The following JAKMIP3 variants were observed in gnomAD, a reference collection of about 807,000 sequenced individuals.
JAKMIP3 encodes Janus kinase and microtubule interacting protein 3, also known as janus kinase and microtubule-interacting protein 3.
In JAKMIP3, 58 loss-of-function variants were observed where a neutral mutation model predicts 118.5. That is an observed-to-expected ratio of 0.49 (90% CI 0.40 to 0.61). The LOEUF (loss-of-function observed/expected upper bound fraction) is 0.61. Ranked by LOEUF, JAKMIP3 falls within the 20% of genes least tolerant of loss-of-function variation. JAKMIP3 has a pLI of 0.00. For missense variants in JAKMIP3, 950 were observed against 1,109.0 expected (o/e 0.86, Z 2.04); for synonymous variants, 486 against 451.2 (o/e 1.08, Z -0.98).
At chr10:132,109,673 C>T (rs2046548560) in intron 2 of JAKMIP3, among the ~76,000 whole-genome samples, 1 of 151,836 alleles carries the variant, frequency 6.6e-6, no homozygotes, top group Admixed American at 6.6e-5. Context: ...CTACTCCATT[C>T]CATAAATGGA....
intron 6 of JAKMIP3, among the ~76,000 whole-genome samples, chr10:132,136,597 G>A (rs920046033): frequency 8.5e-5 from 13 of 152,346 alleles, no homozygotes; most frequent in East Asian, 5.8e-4. Context: ...TAATTCAGCC[G>A]GATGTGGGGG....
Position 132,167,012 on chromosome 10 carries a change from A to G in JAKMIP3, c.2520A>G (p.Leu840=). The G allele has an allele frequency of 6.5e-7, 1 of 1,549,346 alleles. No homozygotes were observed. Residue 840 remains leucine, a synonymous_variant, in exon 22 of 24, where the codon TTA becomes TTG. Transcript: ENST00000684848. The part of the protein sequence containing the change: ...KFLFLFLFFS[L]AFILWS ...TATTTTTGTTCTTATTTTTCTCCTT[A>G]GCTTTCATTCTCTGGTCATAGTCCG... is the stretch of plus-strand genomic sequence containing the variant.
At position 132,149,469 on chromosome 10, in the gene JAKMIP3, A is replaced by T; in HGVS notation, c.1906A>T (p.Lys636Ter). ...CCACCACACGCCCTTCGTGGACGGG[A>T]AGAGCCCCCTCCAGGTGTACTGCGA... ...SFHHTPFVDGKSPLQVYCEAE... is the reference protein window; with the variant it reads ...SFHHTPFVDG The change falls in exon 15 of 24, where the codon AAG becomes TAG. Residue 636 changes from lysine to a stop codon, truncating the protein, a stop_gained. Coordinates refer to ENST00000684848, the MANE Select transcript of JAKMIP3 (RefSeq NM_001323087.2). LOFTEE classifies it high-confidence loss of function. The T allele has an allele frequency of 6.2e-7, 1 of 1,604,646 alleles. No homozygotes were observed. Among genetic ancestry groups the T allele is most frequent in the Non-Finnish European group, 8.5e-7 (1 of 1,176,908 alleles).
chr10:132,173,898 A>G (rs1402568688), intron 23 of JAKMIP3, among the ~76,000 whole-genome samples: 2 of 16,960 alleles, frequency 1.2e-4, no homozygotes, highest in Non-Finnish European at 2.1e-4. Context: ...GTGATGTGTT[A>G]GTGGTGGTGT....
chr10:132,149,554 T>TCCCCTGCCCCACCCCCTCCCTG, intron 15 of JAKMIP3, 44 bp downstream of exon 15: 7 of 530,942 alleles, frequency 1.3e-5, no homozygotes, highest in Non-Finnish European at 1.8e-5. Context: ...ACCTCACCCA[T>TCCCCTGCCCCACCCCCTCCCTG]CCCCCGCCCC....
intron 1 of JAKMIP3, among the ~76,000 whole-genome samples, chr10:132,053,814 C>G (rs1027871951): frequency 3.3e-5 from 5 of 152,012 alleles, no homozygotes; most frequent in Admixed American, 6.6e-5. Context: ...GCGGGCAGAT[C>G]ACGAGGTCAG....
rs916412078 is a variant in JAKMIP3 at position 132,162,105 on chromosome 10, T to C, written c.2221-1104T>C. 1.2e-4 allele frequency among the ~76,000 whole-genome samples: 15 copies of C among 121,262 alleles called. 1 individual carries two copies. Among genetic ancestry groups the C allele is most frequent in the Admixed American group, 2.4e-4 (3 of 12,646 alleles). 79.6% of individuals were successfully genotyped at this position (121,262 alleles called of 152,430 possible). A position where few individuals can be genotyped will look rare whatever the true frequency, so the allele number is the denominator to read the frequency against. On this transcript the variant is annotated intron_variant, in intron 19 of 23. Transcript: ENST00000684848. ...CCACAGGCCTGTGAGCACCGAGGTTTTTTTCTGCACTTCCTGCTCTGCTTC... is the reference window on the plus strand; with the variant it reads ...CCACAGGCCTGTGAGCACCGAGGTTCTTTTCTGCACTTCCTGCTCTGCTTC...
chr10:132,093,094 A>C (rs1033584323), intron 1 of JAKMIP3, among the ~76,000 whole-genome samples: 2 of 152,224 alleles, frequency 1.3e-5, no homozygotes, highest in Non-Finnish European at 2.9e-5. Context: ...AATATTGCTG[A>C]ACAGCAAATA....
chr10:132,073,163 T>C (rs1185126318), intron 1 of JAKMIP3, among the ~76,000 whole-genome samples: 1 of 152,218 alleles, frequency 6.6e-6, no homozygotes, highest in Non-Finnish European at 1.5e-5. Context: ...CCTCCACTGA[T>C]GGACACTTTG....
intron 3 of JAKMIP3, among the ~76,000 whole-genome samples, chr10:132,125,492 CTCG>C (rs2049362304): frequency 6.6e-6 from 1 of 152,272 alleles, no homozygotes; most frequent in African/African-American, 2.4e-5. Flanking sequence ...ATCCTGACAT[CTCG>C]TCGTCTAAGT....
chr10:132,062,664 T>C (rs572286230), upstream of JAKMIP3, among the ~76,000 whole-genome samples: 8 of 152,346 alleles, frequency 5.3e-5, no homozygotes, highest in Non-Finnish European at 1.2e-4. Context: ...AAAGCAATGA[T>C]GACGAATTCA....
chr10:132,142,310 C>G (rs867082903), intron 11 of JAKMIP3, among the ~76,000 whole-genome samples: 1 of 152,188 alleles, frequency 6.6e-6, no homozygotes, highest in African/African-American at 2.4e-5. Context: ...CTGGGGGAGG[C>G]GGGGTGGTAG....
At chr10:132,131,956 A>T (rs1233736169) in intron 3 of JAKMIP3, among the ~76,000 whole-genome samples, 5 of 152,162 alleles carry the variant, frequency 3.3e-5, no homozygotes, top group African/African-American at 9.7e-5. Flanking sequence ...ACCGTGAGCA[A>T]GGTGGGGGCT....
intron 23 of JAKMIP3, among the ~76,000 whole-genome samples, chr10:132,180,770 CGT>C (rs1272261097): frequency 0.012 from 617 of 52,208 alleles, 162 homozygotes; most frequent in African/African-American, 0.032. Context: ...CGTGTGTGTG[CGT>C]GTGTGTGTGT....
At chr10:132,145,492 T>C (rs764056301) in intron 12 of JAKMIP3, 26 bp from the exon 13 acceptor site, 2 of 1,547,938 alleles carry the variant, frequency 1.3e-6, no homozygotes, top group South Asian at 2.4e-5. Context: ...CTCAGTGTCT[T>C]TATTTCTTTC....
At chr10:132,149,110 G>A (rs2055293286) in intron 14 of JAKMIP3, among the ~76,000 whole-genome samples, 1 of 152,096 alleles carries the variant, frequency 6.6e-6, no homozygotes, top group Non-Finnish European at 1.5e-5. Flanking sequence ...ATAGCCCCTG[G>A]GATTCACTGA....
chr10:132,069,612 T>G (rs993389857), intron 1 of JAKMIP3, among the ~76,000 whole-genome samples: 3 of 151,144 alleles, frequency 2.0e-5, no homozygotes, highest in African/African-American at 7.3e-5. Context: ...GTCAACCTCC[T>G]GTTGTGTCCA....
At chr10:132,065,512 G>A (rs2038653470), upstream of JAKMIP3, among the ~76,000 whole-genome samples, 1 of 152,100 alleles carries the variant, frequency 6.6e-6, no homozygotes, top group Non-Finnish European at 1.5e-5. This position sits in a 1 kb window ranked among gnomAD's most constrained non-coding sequence, Gnocchi z 5.6. Context: ...CGGCCAGAAC[G>A]CGGTCCTGGA....
chr10:132,140,390 C>T (rs572490260), intron 9 of JAKMIP3, 61 bp from the exon 10 acceptor site: 289 of 1,602,932 alleles, frequency 1.8e-4, no homozygotes, highest in Non-Finnish European at 2.3e-4. Context: ...GAGGAGGCGG[C>T]GGGAGGAGGC....
Sources: gnomAD v4.1 joint callset for allele counts (sites outside exome capture counted in the v4.1 genomes callset) on GRCh38, gnomAD v4.1.1 for gene constraint, Gnocchi (gnomAD v3.1) non-coding constraint, MANE v1.5 for transcripts, NCBI Gene and HGNC (gene_info 2026-07-23, HGNC 2026-07-21) for gene names.